Variants in CNTNAP4 observed in about 807,000 individuals in gnomAD.
The protein encoded by CNTNAP4 is contactin-associated protein-like 4.
CNTNAP4 carries 98 observed loss-of-function variants against 148.4 expected under a neutral mutation model. That is an observed-to-expected ratio of 0.66 (90% CI 0.56 to 0.78). The LOEUF is 0.78. Ranked by LOEUF, CNTNAP4 falls within the 30% of genes least tolerant of loss-of-function variation. CNTNAP4 has a pLI of 0.00. For synonymous variants in CNTNAP4, 730 were observed against 565.1 expected (o/e 1.29, Z -4.14); for missense variants, 1,935 against 1,565.6 (o/e 1.24, Z -3.98).
At chr16:76,552,095 A>G (rs1597144709) in intron 21 of CNTNAP4, among the ~76,000 whole-genome samples, 2 of 152,340 alleles carry the variant, frequency 1.3e-5, no homozygotes, top group Middle Eastern at 6.8e-3. Context: ...ATAGGCAGAA[A>G]GCAAAGGGGA....
chr16:76,283,278 C>A (rs1436964748), intron 1 of CNTNAP4, among the ~76,000 whole-genome samples: 1 of 151,932 alleles, frequency 6.6e-6, no homozygotes, highest in African/African-American at 2.4e-5. Flanking sequence ...ATATTGTTCA[C>A]TAATGAATCA....
intron 3 of CNTNAP4, among the ~76,000 whole-genome samples, chr16:76,358,053 G>A (rs1324018931): frequency 6.6e-6 from 1 of 152,166 alleles, no homozygotes. Context: ...ACTGAAGAAG[G>A]CTGGGCGTTT....
rs538785314 is a variant in CNTNAP4 at position 76,535,628 on chromosome 16, A to C, written c.2839A>C (p.Arg947=). The C allele has an allele frequency of 2.5e-6, 4 of 1,613,946 alleles. No individual in the cohort carries two copies. In the African/African-American group the frequency reaches 5.3e-5, roughly 22 times the overall value. Residue 947 remains arginine (R), a synonymous_variant, in exon 18 of 24, where the codon AGA becomes CGA. Transcript: ENST00000611870. ...LNGMTLDLEE[R]AQVTPEVQPG... is the part of the protein sequence containing the mutation. ...TGGGATGACCCTGGATTTGGAAGAA[A>C]GAGCCCAGGTGACTCCAGAAGTGCA...
intron 3 of CNTNAP4, among the ~76,000 whole-genome samples, chr16:76,406,602 T>G (rs2078607257): frequency 6.6e-6 from 1 of 152,068 alleles, no homozygotes; most frequent in South Asian, 2.1e-4. Context: ...GTGAAGAGAA[T>G]AAAAAGTGCT....
chr16:76,301,569 G>C (rs1959972715), intron 1 of CNTNAP4, among the ~76,000 whole-genome samples: 1 of 152,176 alleles, frequency 6.6e-6, no homozygotes, highest in Non-Finnish European at 1.5e-5. Flanking sequence ...TGAGTTACCA[G>C]TACTTGGTTT....
intron 3 of CNTNAP4, among the ~76,000 whole-genome samples, chr16:76,359,191 T>C (rs1254340484): frequency 6.6e-6 from 1 of 152,198 alleles, no homozygotes; most frequent in Non-Finnish European, 1.5e-5. Context: ...TTTTGTTTTC[T>C]GGCTCAGTTT....
intron 8 of CNTNAP4, among the ~76,000 whole-genome samples, chr16:76,457,913 G>T (rs962943951): frequency 3.9e-5 from 6 of 151,932 alleles, no homozygotes; most frequent in African/African-American, 1.5e-4. Flanking sequence ...AATGAACATG[G>T]TACCTGATAG....
chr16:76,386,921 G>A (rs906588651), intron 3 of CNTNAP4, among the ~76,000 whole-genome samples: 37 of 152,144 alleles, frequency 2.4e-4, no homozygotes, highest in Non-Finnish European at 3.5e-4. Context: ...ATAGAGTTAT[G>A]CAATCTGTGA....
intron 3 of CNTNAP4, among the ~76,000 whole-genome samples, chr16:76,370,231 T>C (rs1429846428): frequency 6.8e-6 from 1 of 146,894 alleles, no homozygotes; most frequent in Non-Finnish European, 1.5e-5. Context: ...AATCCATATA[T>C]ATAGCTGTGT....
chr16:76,326,243 ATGTGT>A (rs1962960531), intron 2 of CNTNAP4, among the ~76,000 whole-genome samples: 1 of 152,190 alleles, frequency 6.6e-6, no homozygotes, highest in Admixed American at 6.5e-5. Context: ...ACTAGCGTAC[ATGTGT>A]GAAGGGCCCC....
intron 5 of CNTNAP4, 76 bp from the exon 6 acceptor site, chr16:76,448,691 G>T: frequency 9.6e-7 from 1 of 1,040,410 alleles, no homozygotes; most frequent in South Asian, 1.8e-5. Context: ...GAAAGATGGT[G>T]GTCCACAGAA....
chr16:76,395,497 C>G (rs925457733), intron 3 of CNTNAP4, among the ~76,000 whole-genome samples: 1 of 152,032 alleles, frequency 6.6e-6, no homozygotes, highest in Non-Finnish European at 1.5e-5. Context: ...AACTCCTGAC[C>G]TTGTGATCCA....
chr16:76,457,891 C>G (rs1237081543), intron 8 of CNTNAP4, among the ~76,000 whole-genome samples: 3 of 150,162 alleles, frequency 2.0e-5, no homozygotes, highest in Non-Finnish European at 2.9e-5. Flanking sequence ...CAATTGAACC[C>G]ATTACCCAAA....
intron 1 of CNTNAP4, among the ~76,000 whole-genome samples, chr16:76,307,503 CATATATATATATATATAT>C (rs6145898): frequency 7.8e-4 from 72 of 91,722 alleles, no homozygotes; most frequent in African/African-American, 2.2e-3. Context: ...ATTTTAAATG[CATATATATATATATATAT>C]ATATATATAT....
At chr16:76,512,117 C>T (rs2083050151) in intron 15 of CNTNAP4, among the ~76,000 whole-genome samples, 1 of 151,818 alleles carries the variant, frequency 6.6e-6, no homozygotes, top group African/African-American at 2.4e-5. Flanking sequence ...ATGGAACAGC[C>T]ATATGGTCCA....
chr16:76,406,998 T>C (rs543571299), intron 3 of CNTNAP4, among the ~76,000 whole-genome samples: 3 of 152,276 alleles, frequency 2.0e-5, no homozygotes, highest in Non-Finnish European at 4.4e-5. Context: ...TATTGGAAGA[T>C]GCCATCTAGA....
intron 2 of CNTNAP4, among the ~76,000 whole-genome samples, chr16:76,344,415 G>T (rs766488731): frequency 2.6e-5 from 4 of 152,094 alleles, no homozygotes; most frequent in African/African-American, 9.7e-5. Context: ...TCCACATACC[G>T]TTTTATAAAG....
At chr16:76,406,121 T>C (rs2078592589) in intron 3 of CNTNAP4, among the ~76,000 whole-genome samples, 1 of 152,112 alleles carries the variant, frequency 6.6e-6, no homozygotes, top group African/African-American at 2.4e-5. Context: ...TTACTGTTAG[T>C]GCTATTTTAC....
chr16:76,319,690 T>G (rs185359296), intron 2 of CNTNAP4, among the ~76,000 whole-genome samples: 81 of 151,452 alleles, frequency 5.3e-4, no homozygotes, highest in African/African-American at 1.6e-3. Context: ...AAAGACAGAG[T>G]AGACCAGATG....
Sources: allele counts gnomAD v4.1 joint callset (sites outside exome capture counted in the v4.1 genomes callset), GRCh38; gene constraint gnomAD v4.1.1; transcripts MANE v1.5; gene names NCBI Gene and HGNC (gene_info 2026-07-23, HGNC 2026-07-21).